Variants in UFD1 observed in about 807,000 individuals in gnomAD.
UFD1 encodes ubiquitin recognition factor in ER-associated degradation protein 1.
In UFD1, 13 loss-of-function variants were observed where a neutral mutation model predicts 45.9. The observed-to-expected ratio is 0.28, with a 90% CI of 0.18 to 0.45. UFD1 has a LOEUF of 0.45. Ranked by LOEUF, UFD1 falls within the 20% of genes least tolerant of loss-of-function variation. The probability of loss-of-function intolerance (pLI) is 1.00; values close to 1 mark genes in which losing one functional copy is unlikely to be tolerated. For synonymous variants in UFD1, 128 were observed against 139.2 expected (o/e 0.92, Z 0.56); for missense variants, 218 against 389.2 (o/e 0.56, Z 3.70).
chr22:19,466,269 G>T (rs1045551526), intron 5 of UFD1: 1 of 152,320 alleles, frequency 6.6e-6, no homozygotes, highest in Admixed American at 6.5e-5. Context: ...TTCCACTGCA[G>T]CAGCTGGAGG....
chr22:19,456,595 C>T lies in UFD1; in HGVS notation c.670G>A (p.Gly224Ser). 6.2e-7 allele frequency: 1 copy of T among 1,614,158 alleles called. No individual in the cohort carries two copies. The highest frequency in any genetic ancestry group is 8.5e-7 in the Non-Finnish European group (1 of 1,180,036). Reference sequence around the variant, plus strand: ...AGTGGTCTGGTACTCACGCGGAAGCCCAGCTCTCCAGCATAGCCACTGTGG... The same window carrying T: ...AGTGGTCTGGTACTCACGCGGAAGCTCAGCTCTCCAGCATAGCCACTGTGG... ...ADHSGYAGEL[G>S]FRAFSGSGNR... The change falls in exon 9 of 12, where the codon GGC becomes AGC. Residue 224 changes from glycine to serine, a missense_variant. Physicochemically the swap from Gly to Ser is moderately conservative, Grantham distance 56. This residue lies in a region of UFD1 where 149 missense variants were observed against 307.5 expected (regional missense o/e 0.48). Transcript: ENST00000263202.
chr22:19,464,967 A>G (rs1235893194), intron 6 of UFD1, among the ~76,000 whole-genome samples: 2 of 152,254 alleles, frequency 1.3e-5, no homozygotes, highest in African/African-American at 4.8e-5. Context: ...ACACAGAGGT[A>G]TGACTAATAA....
intron 11 of UFD1, chr22:19,453,089 ATAG>A (rs2089695781): frequency 1.0e-6 from 1 of 985,430 alleles, no homozygotes; most frequent in Non-Finnish European, 1.2e-6. Flanking sequence ...CACTTCAGAG[ATAG>A]TAGTCTAGAG....
At chr22:19,471,399 A>G in intron 4 of UFD1, 2 of 673,398 alleles carry the variant, frequency 3.0e-6, no homozygotes, top group Non-Finnish European at 5.5e-6. Context: ...CATTATTTTT[A>G]AAAACGCCTC....
In UFD1 at chr22:19,454,844, C is replaced by CA; in HGVS notation, c.768-15dup. ...TTGGGAATTCCTCTGTAAGAAGAGACAGAGACAGAGAAATGTTATTTCCAG... is the reference window on the plus strand; with the variant it reads ...TTGGGAATTCCTCTGTAAGAAGAGACAAGAGACAGAGAAATGTTATTTCCAG... On this transcript the variant is annotated splice_polypyrimidine_tract_variant and intron_variant, in intron 10 of 11. Coordinates refer to ENST00000263202, the MANE Select transcript of UFD1 (RefSeq NM_005659.7). 6.2e-7 allele frequency: 1 copy of CA among 1,607,600 alleles called. No homozygotes were observed.
intron 5 of UFD1, chr22:19,467,565 C>T: frequency 1.1e-5 from 3 of 278,632 alleles, no homozygotes; most frequent in Non-Finnish European, 2.1e-5. Flanking sequence ...AAGCTGCTCC[C>T]TCCTTCCACT....
In UFD1 at chr22:19,471,756, C is replaced by T. The variant is rs368374420; in HGVS notation, c.222G>A (p.Ser74=). The T allele has an allele frequency of 1.4e-5, 23 of 1,613,966 alleles. No individual in the cohort carries two copies. The highest frequency in any genetic ancestry group is 2.2e-5 in the East Asian group (1 of 44,890). ...PMLFKLTNKN[S]DRMTHCGVLE... is the part of the protein sequence containing the mutation. ...GCACGCCACAATGCGTCATGCGGTC[C>T]GAATTCTTATTGGTCAGTTTGAACA... The change falls in exon 4 of 12, where the codon TCG becomes TCA. Residue 74 remains serine (S), a synonymous_variant. Coordinates refer to ENST00000263202, the MANE Select transcript of UFD1 (RefSeq NM_005659.7).
intron 4 of UFD1, chr22:19,470,678 G>C (rs191838830): frequency 1.4e-4 from 65 of 450,740 alleles, no homozygotes; most frequent in African/African-American, 1.2e-3. Context: ...CTGACCTCAA[G>C]TGATCTGCCC....
At chr22:19,469,808 G>T in intron 4 of UFD1, 1 of 456,882 alleles carries the variant, frequency 2.2e-6, no homozygotes, top group South Asian at 1.5e-5. Context: ...TGGCCTGATG[G>T]CTTCACACCC....
At chr22:19,466,563 C>A (rs1421006066) in intron 5 of UFD1, 4 of 152,288 alleles carry the variant, frequency 2.6e-5, no homozygotes, top group Non-Finnish European at 4.4e-5. Context: ...GGCGCGGTGG[C>A]TCATGCACGT....
At chr22:19,455,641 T>A (rs1365633143) in intron 10 of UFD1, 39 bp downstream of exon 10, 1 of 1,595,310 alleles carries the variant, frequency 6.3e-7, no homozygotes, top group Non-Finnish European at 8.6e-7. Context: ...CTGGCACAGA[T>A]CCTCCTCCTG....
chr22:19,468,019 G>A lies in UFD1; in HGVS notation c.292-16C>T, dbSNP rs1321678753. 3.1e-6 allele frequency: 5 copies of A among 1,613,690 alleles called. No individual in the cohort carries two copies. Among genetic ancestry groups the A allele is most frequent in the East Asian group, 2.2e-5 (1 of 44,854 alleles). On this transcript the variant is annotated splice_polypyrimidine_tract_variant and intron_variant, in intron 4 of 11. Coordinates refer to ENST00000263202, the MANE Select transcript of UFD1 (RefSeq NM_005659.7). ...TCTGCATCATCTGAAAGGAAGAAGA[G>A]GCTACATGAGACTCCTAGAGATGAA...
At chr22:19,459,050 C>A (rs1346750555) in intron 6 of UFD1, among the ~76,000 whole-genome samples, 1 of 152,078 alleles carries the variant, frequency 6.6e-6, no homozygotes, top group Non-Finnish European at 1.5e-5. Context: ...TACTGAAGAT[C>A]AAAAACAGAA....
intron 11 of UFD1, chr22:19,454,490 C>T (rs2073727): frequency 0.52 from 401,087 of 771,778 alleles, 106,243 homozygotes; most frequent in South Asian, 0.61. Context: ...TTCCCTGCAC[C>T]AGCTTTTTCT....
Position 19,461,586 on chromosome 22 carries a change from T to C in UFD1, c.496-3447A>G, listed in dbSNP as rs544741541. On this transcript the variant is annotated intron_variant, in intron 6 of 11. Coordinates refer to ENST00000263202, the MANE Select transcript of UFD1 (RefSeq NM_005659.7). ...ATCTGTATCAAGTGACAATGATCTG[T>C]AGTTTACCTTTCTCCTATCCTTGTG... Among the ~76,000 whole-genome samples the C allele has an allele frequency of 2.0e-5, 3 of 152,360 alleles. No homozygotes were observed. In the East Asian group the frequency reaches 5.8e-4, roughly 29 times the overall value.
At chr22:19,453,165 T>C in intron 11 of UFD1, 7 of 985,418 alleles carry the variant, frequency 7.1e-6, no homozygotes, top group Non-Finnish European at 8.4e-6. Flanking sequence ...CAGCTCTAAC[T>C]GCTTAGTAAC....
chr22:19,459,429 ATGG>A (rs1345910668), intron 6 of UFD1, among the ~76,000 whole-genome samples: 2 of 152,170 alleles, frequency 1.3e-5, no homozygotes, highest in Admixed American at 6.5e-5. Flanking sequence ...CCTTGCTAAC[ATGG>A]TGAAGACCCG....
intron 3 of UFD1, among the ~76,000 whole-genome samples, chr22:19,473,541 T>C (rs2089860704): frequency 1.3e-5 from 2 of 152,154 alleles, no homozygotes; most frequent in African/African-American, 4.8e-5. Flanking sequence ...GGAAGACCTT[T>C]TTAGGGAGCC....
At chr22:19,471,410 A>G (rs1568901807) in intron 4 of UFD1, 2 of 700,348 alleles carry the variant, frequency 2.9e-6, no homozygotes, top group Admixed American at 1.8e-5. Flanking sequence ...AAAACGCCTC[A>G]CCCAGGAAAT....
Sources: allele counts gnomAD v4.1 joint callset (sites outside exome capture counted in the v4.1 genomes callset), GRCh38; gene constraint gnomAD v4.1.1; regional missense constraint gnomAD v4.1.1; transcripts MANE v1.5; gene names NCBI Gene and HGNC (gene_info 2026-07-23, HGNC 2026-07-21).